The following KIAA0319 variants were observed in gnomAD, a reference collection of about 807,000 sequenced individuals.
KIAA0319 encodes the protein KIAA0319.
Under a neutral mutation model 108.4 loss-of-function variants are expected in KIAA0319, and 83 were observed. The observed-to-expected ratio is 0.77, with a 90% CI of 0.64 to 0.92. The LOEUF (loss-of-function observed/expected upper bound fraction) is 0.92. Among genes scored for constraint, KIAA0319 ranks in the 40% least tolerant of loss-of-function variants. The probability of loss-of-function intolerance (pLI) is 0.00; values close to 1 mark genes in which losing one functional copy is unlikely to be tolerated. For missense variants in KIAA0319, 1,195 were observed against 1,322.4 expected (o/e 0.90, Z 1.49); for synonymous variants, 484 against 510.4 (o/e 0.95, Z 0.70).
At chr6:24,603,278 C>CA (rs1562046367) in intron 1 of KIAA0319, among the ~76,000 whole-genome samples, 2 of 152,202 alleles carry the variant, frequency 1.3e-5, no homozygotes, top group South Asian at 4.2e-4. Context: ...AATTGAGGTT[C>CA]AAAAAAGTGA....
At position 24,607,176 on chromosome 6, in the gene KIAA0319, T is replaced by G. The variant is rs184598627; in HGVS notation, c.-105-5968A>C. On this transcript the variant is annotated intron_variant, in intron 1 of 20. Coordinates refer to ENST00000378214, the MANE Select transcript of KIAA0319 (RefSeq NM_014809.4). Reference sequence around the variant, plus strand: ...TTTGAGACCAGCCTGACCAACATGGTGAAACCCTATCTCTACTCAAAATAC... The same window carrying G: ...TTTGAGACCAGCCTGACCAACATGGGGAAACCCTATCTCTACTCAAAATAC... 3.9e-5 allele frequency among the ~76,000 whole-genome samples: 6 copies of G among 152,212 alleles called. No individual in the cohort carries two copies. In the East Asian group the frequency reaches 1.2e-3, roughly 29 times the overall value.
chr6:24,639,324 T>G (rs1420025798), intron 1 of KIAA0319, among the ~76,000 whole-genome samples: 1 of 152,116 alleles, frequency 6.6e-6, no homozygotes, highest in East Asian at 1.9e-4. Flanking sequence ...CTGACAGCAA[T>G]ATTTTCATTG....
chr6:24,608,986 G>A (rs148613547), intron 1 of KIAA0319, among the ~76,000 whole-genome samples: 78 of 145,006 alleles, frequency 5.4e-4, no homozygotes, highest in African/African-American at 1.9e-3. Context: ...AGAAGGCCAG[G>A]TGCAGGGGCT....
rs775388049 is a variant in KIAA0319, at chr6:24,580,964, GC to G, written c.1240del (p.Ala414ProfsTer22). ...VFKVTVSSEN[A>X]FGEGFVNVTV... The stretch of plus-strand genomic sequence containing the variant: ...GACATTGACAAATCCTTCTCCAAAG[GC>G]GTTTTCACTAGAAACAGTGACTTTG... On this transcript the variant is annotated frameshift_variant, in exon 7 of 21. Transcript: ENST00000378214. LOFTEE classifies it high-confidence loss of function. 2 of 1,613,184 alleles carry G rather than the reference GC, an allele frequency of 1.2e-6. No homozygotes were observed. The highest frequency in any genetic ancestry group is 1.7e-6 in the Non-Finnish European group (2 of 1,179,344).
rs759728497 is a variant in KIAA0319 at position 24,599,606 on chromosome 6, C to T, written c.55+1443G>A. The stretch of plus-strand genomic sequence containing the variant: ...ATATCCATACAAAGACCACCAGTGG[C>T]TACTCAGGTGAGCTGAGCTCAGCCT... On this transcript the variant is annotated intron_variant, in intron 2 of 20. Coordinates refer to ENST00000378214, the MANE Select transcript of KIAA0319 (RefSeq NM_014809.4). The surrounding 1 kb of genome is among the most constrained non-coding windows in gnomAD (Gnocchi z 4.1). The T allele has an allele frequency of 4.5e-5, 28 of 625,040 alleles. No individual in the cohort carries two copies. Among genetic ancestry groups the T allele is most frequent in the South Asian group, 4.1e-4 (27 of 65,406 alleles). 38.7% of individuals were successfully genotyped at this position (625,040 alleles called of 1,614,324 possible). A position where few individuals can be genotyped will look rare whatever the true frequency, so the allele number is the denominator to read the frequency against.
intron 12 of KIAA0319, among the ~76,000 whole-genome samples, chr6:24,569,593 C>T (rs1764382866): frequency 1.3e-5 from 2 of 152,208 alleles, no homozygotes; most frequent in Admixed American, 6.5e-5. Flanking sequence ...TGTCTACAGT[C>T]ACTGCAGGAT....
At position 24,568,891 on chromosome 6, in the gene KIAA0319, G is replaced by T; in HGVS notation, c.2030C>A (p.Ala677Glu). 1 of 1,614,166 alleles carries T rather than the reference G, an allele frequency of 6.2e-7. No individual in the cohort carries two copies. The highest frequency in any genetic ancestry group is 1.3e-5 in the African/African-American group (1 of 75,050). Residue 677 changes from alanine to glutamate, a missense_variant, in exon 13 of 21, where the codon GCA becomes GAA. Ala to Glu is a moderately radical substitution (Grantham distance 107). Coordinates refer to ENST00000378214, the MANE Select transcript of KIAA0319 (RefSeq NM_014809.4). ...CTGGAGACCAGTCACAGTGGCTATT[G>T]CTTTGTCAATATTTTCCATCTCCAC... is the stretch of plus-strand genomic sequence containing the variant. ...SAVEMENIDK[A>E]IATVTGLQVG... is the part of the protein sequence containing the mutation.
chr6:24,642,885 T>C (rs1183055562), intron 1 of KIAA0319, among the ~76,000 whole-genome samples: 1 of 152,190 alleles, frequency 6.6e-6, no homozygotes, highest in Non-Finnish European at 1.5e-5. Context: ...TTTTTGTATT[T>C]TTAGTAGAGA....
intron 1 of KIAA0319, among the ~76,000 whole-genome samples, chr6:24,638,984 CTGGTTTG>C (rs770352374): frequency 5.3e-5 from 8 of 152,050 alleles, no homozygotes; most frequent in Non-Finnish European, 1.0e-4. Flanking sequence ...GGTTCATTAC[CTGGTTTG>C]TGGTAGTCAT....
At chr6:24,543,115 A>G (rs1361142632), downstream of KIAA0319, among the ~76,000 whole-genome samples, 9 of 152,196 alleles carry the variant, frequency 5.9e-5, no homozygotes, top group Admixed American at 5.2e-4. Context: ...CTTTCCTTCA[A>G]ATTCCTTTTC....
intron 1 of KIAA0319, among the ~76,000 whole-genome samples, chr6:24,612,663 T>C (rs1772506722): frequency 1.3e-5 from 2 of 152,174 alleles, no homozygotes; most frequent in Admixed American, 1.3e-4. Flanking sequence ...TACTCACCTC[T>C]TGTGGGAAAG....
chr6:24,593,521 T>C (rs943665174), intron 3 of KIAA0319, among the ~76,000 whole-genome samples: 5 of 150,980 alleles, frequency 3.3e-5, no homozygotes, highest in African/African-American at 1.2e-4. Flanking sequence ...GCCTCCCGAG[T>C]AGCTGGGAAG....
intron 1 of KIAA0319, among the ~76,000 whole-genome samples, chr6:24,606,303 A>T (rs976549888): frequency 6.6e-6 from 1 of 152,092 alleles, no homozygotes; most frequent in African/African-American, 2.4e-5. Context: ...TTCCTTCTCT[A>T]GGCTTCCGAT....
intron 2 of KIAA0319, chr6:24,598,884 A>T (rs1770161555): frequency 5.9e-6 from 2 of 336,664 alleles, no homozygotes; most frequent in Non-Finnish European, 1.1e-5. Context: ...ATTTAAAAAA[A>T]AAATAAAAAG....
chr6:24,608,197 GCTA>G lies in KIAA0319; in HGVS notation c.-105-6992_-105-6990del, dbSNP rs1249121062. 9.2e-5 allele frequency among the ~76,000 whole-genome samples: 14 copies of G among 152,026 alleles called. No individual in the cohort carries two copies. In the East Asian group the frequency reaches 1.9e-3, roughly 21 times the overall value. On this transcript the variant is annotated intron_variant, in intron 1 of 20. Coordinates refer to ENST00000378214, the MANE Select transcript of KIAA0319 (RefSeq NM_014809.4). Reference sequence around the variant, plus strand: ...ATCTATTTTAAGACAACTTTAAAATGCTACTGAGGAAAAAATAAATAAATAAAT... The same window carrying G: ...ATCTATTTTAAGACAACTTTAAAATGCTGAGGAAAAAATAAATAAATAAAT...
intron 1 of KIAA0319, among the ~76,000 whole-genome samples, chr6:24,639,846 T>TAAAAAAAAAA (rs34542799): frequency 7.4e-6 from 1 of 134,886 alleles, no homozygotes. Flanking sequence ...GACTCCATCT[T>TAAAAAAAAAA]AAAAAAAAAA....
Position 24,593,008 on chromosome 6 carries a change from A to C in KIAA0319, c.801+2865T>G, listed in dbSNP as rs149901690. On this transcript the variant is annotated intron_variant, in intron 3 of 20. Coordinates refer to ENST00000378214, the MANE Select transcript of KIAA0319 (RefSeq NM_014809.4). Reference sequence around the variant, plus strand: ...ATAAGATAAAAATAAATAAAAAAAAACATTATCTACTGGATACCTCTCCAG... The same window carrying C: ...ATAAGATAAAAATAAATAAAAAAAACCATTATCTACTGGATACCTCTCCAG... Among the ~76,000 whole-genome samples the C allele has an allele frequency of 4.1e-3, 628 of 152,244 alleles. 4 individuals are homozygous for C. Among genetic ancestry groups the C allele is most frequent in the Middle Eastern group, 0.017 (5 of 294 alleles).
chr6:24,623,031 T>G (rs1417251268), intron 1 of KIAA0319, among the ~76,000 whole-genome samples: 1 of 151,284 alleles, frequency 6.6e-6, no homozygotes, highest in African/African-American at 2.4e-5. Context: ...AGAGTGAGGC[T>G]CCATCTCATT....
rs1406148492 is a variant in KIAA0319 at position 24,563,583 on chromosome 6, C to T, written c.2432-65G>A. 6 of 1,474,800 alleles carry T rather than the reference C, an allele frequency of 4.1e-6. No individual in the cohort carries two copies. In the South Asian group the frequency reaches 4.1e-5, roughly 10 times the overall value. The allele number at this position is 1,474,800 out of a possible 1,614,324, so 91.4% of individuals were successfully genotyped here. On this transcript the variant is annotated intron_variant, in intron 15 of 20. Transcript: ENST00000378214. The stretch of plus-strand genomic sequence containing the variant: ...TGCACAGGCTTTAGAGCATAAGGAG[C>T]GAGGTTTCTATAGGAGCTCAAAGTT...
Sources: gnomAD v4.1 joint callset for allele counts (sites outside exome capture counted in the v4.1 genomes callset) on GRCh38, gnomAD v4.1.1 for gene constraint, Gnocchi (gnomAD v3.1) non-coding constraint, MANE v1.5 for transcripts, NCBI Gene and HGNC (gene_info 2026-07-23, HGNC 2026-07-21) for gene names.